The following PTPRJ variants were observed in gnomAD, a reference collection of about 807,000 sequenced individuals.
PTPRJ encodes the protein receptor-type tyrosine-protein phosphatase eta.
A neutral mutation model predicts 141.3 loss-of-function variants in PTPRJ; 129 were observed. The observed-to-expected ratio is 0.91, with a 90% CI of 0.79 to 1.06. The LOEUF (loss-of-function observed/expected upper bound fraction) is 1.06, where lower values mean the gene tolerates loss of function less well. Ranked by LOEUF, PTPRJ falls within the 50% of genes least tolerant of loss-of-function variation. The pLI is 0.00. For missense variants in PTPRJ, 1,601 were observed against 1,679.7 expected (o/e 0.95, Z 0.82); for synonymous variants, 610 against 640.5 (o/e 0.95, Z 0.72).
chr11:47,980,779 C>T lies in PTPRJ; in HGVS notation c.-134C>T, dbSNP rs1443241521. On this transcript the variant is annotated 5_prime_UTR_variant, in exon 1 of 25. Transcript: ENST00000418331. ...CCGGGGAAGCCCGGGGCGGGCGGAG[C>T]GGGGACGAGGCGGACCGGCTGGCGG... 1 of 1,028,908 alleles carries T rather than the reference C, an allele frequency of 9.7e-7. No homozygotes were observed. Among genetic ancestry groups the T allele is most frequent in the Non-Finnish European group, 1.2e-6 (1 of 860,726 alleles). 63.7% of individuals were successfully genotyped at this position (1,028,908 alleles called of 1,614,324 possible).
At chr11:48,064,555 A>G (rs578041065) in intron 1 of PTPRJ, among the ~76,000 whole-genome samples, 3 of 152,268 alleles carry the variant, frequency 2.0e-5, no homozygotes, top group Admixed American at 6.5e-5. Flanking sequence ...CCTGCTGAGC[A>G]AGGAGTGAGG....
At chr11:48,013,961 G>A (rs995475262) in intron 1 of PTPRJ, among the ~76,000 whole-genome samples, 1 of 152,174 alleles carries the variant, frequency 6.6e-6, no homozygotes, top group African/African-American at 2.4e-5. Context: ...GGTGGGTTCT[G>A]GAATGTGCAG....
chr11:48,024,088 C>CA (rs1853739030), intron 1 of PTPRJ, among the ~76,000 whole-genome samples: 2 of 152,066 alleles, frequency 1.3e-5, no homozygotes, highest in Admixed American at 1.3e-4. Flanking sequence ...TATTCACATT[C>CA]CTCCCACACT....
At chr11:48,059,325 GTTGGCC>G (rs1854853674) in intron 1 of PTPRJ, among the ~76,000 whole-genome samples, 1 of 151,984 alleles carries the variant, frequency 6.6e-6, no homozygotes, top group East Asian at 1.9e-4. Flanking sequence ...GTTTCATCAT[GTTGGCC>G]AGGCTGGTCT....
chr11:48,147,891 G>T (rs1857388574), intron 15 of PTPRJ, among the ~76,000 whole-genome samples: 1 of 151,810 alleles, frequency 6.6e-6, no homozygotes, highest in Non-Finnish European at 1.5e-5. Context: ...CTGTCCCCCA[G>T]GCTGGAGTAC....
chr11:47,985,676 AT>A, intron 1 of PTPRJ, among the ~76,000 whole-genome samples: 2 of 8,604 alleles, frequency 2.3e-4, no homozygotes, highest in Non-Finnish European at 1.8e-3. Flanking sequence ...GCAGACATTT[AT>A]TTATTTATTT....
At chr11:48,004,653 C>T (rs1175253181) in intron 1 of PTPRJ, among the ~76,000 whole-genome samples, 1 of 152,014 alleles carries the variant, frequency 6.6e-6, no homozygotes, top group East Asian at 1.9e-4. Flanking sequence ...TGTTAGCAGC[C>T]CAGGCCTGCA....
At position 48,121,070 on chromosome 11, in the gene PTPRJ, A is replaced by C; in HGVS notation, c.420A>C (p.Lys140Asn). ...ISPTNVILTW[K>N]SNDTAASEYK... ...CAACCAATGTGATCTTAACTTGGAA[A>C]AGTAATGACACAGCTGCTTCTGAGT... The change falls in exon 4 of 25, where the codon AAA becomes AAC. Residue 140 changes from lysine (K) to asparagine (N), a missense_variant. Physicochemically the swap from Lys to Asn is moderately conservative, Grantham distance 94 (BLOSUM62 0). Transcript: ENST00000418331. The C allele has an allele frequency of 6.2e-7, 1 of 1,613,888 alleles. No homozygotes were observed. Among genetic ancestry groups the C allele is most frequent in the Non-Finnish European group, 8.5e-7 (1 of 1,179,808 alleles).
intron 1 of PTPRJ, among the ~76,000 whole-genome samples, chr11:48,053,213 T>C (rs1198670426): frequency 1.1e-5 from 1 of 93,658 alleles, no homozygotes; most frequent in African/African-American, 4.6e-5. Context: ...ATATTATATA[T>C]AATATATTAA....
intron 1 of PTPRJ, among the ~76,000 whole-genome samples, chr11:48,052,813 A>G (rs971288610): frequency 3.9e-5 from 6 of 151,978 alleles, no homozygotes; most frequent in Non-Finnish European, 7.4e-5. Flanking sequence ...CTTACAGTGC[A>G]ATAAACACTT....
chr11:48,011,693 G>A (rs1854794919), intron 1 of PTPRJ, among the ~76,000 whole-genome samples: 1 of 152,050 alleles, frequency 6.6e-6, no homozygotes, highest in South Asian at 2.1e-4. Flanking sequence ...GTCTTGCTCT[G>A]TTGCCCAGGC....
At chr11:48,106,589 A>G (rs1307413864) in intron 1 of PTPRJ, among the ~76,000 whole-genome samples, 1 of 152,170 alleles carries the variant, frequency 6.6e-6, no homozygotes, top group Non-Finnish European at 1.5e-5. Flanking sequence ...CAGTCATGTC[A>G]GAGAGAGGGG....
intron 1 of PTPRJ, chr11:48,044,967 C>T (rs908034636): frequency 3.9e-5 from 6 of 152,286 alleles, no homozygotes; most frequent in African/African-American, 1.4e-4. Flanking sequence ...TTTTGTTCTT[C>T]TCTTTGCCAC....
chr11:48,079,997 G>C (rs1412081970), intron 1 of PTPRJ, among the ~76,000 whole-genome samples: 1 of 152,232 alleles, frequency 6.6e-6, no homozygotes, highest in Non-Finnish European at 1.5e-5. Flanking sequence ...CACCTGGCTT[G>C]CAGGTGCAGG....
chr11:48,090,107 G>A (rs1247091360), intron 1 of PTPRJ, among the ~76,000 whole-genome samples: 1 of 152,106 alleles, frequency 6.6e-6, no homozygotes, highest in Non-Finnish European at 1.5e-5. Context: ...CCCCAACCAA[G>A]GAAACTCTCT....
chr11:48,010,835 C>CTATTAT (rs377559025), intron 1 of PTPRJ, among the ~76,000 whole-genome samples: 11 of 151,478 alleles, frequency 7.3e-5, no homozygotes, highest in African/African-American at 2.4e-4. Flanking sequence ...CATGCCTGGC[C>CTATTAT]TATTATTATT....
chr11:48,075,226 C>T (rs1855371490), intron 1 of PTPRJ, among the ~76,000 whole-genome samples: 1 of 150,470 alleles, frequency 6.6e-6, no homozygotes, highest in South Asian at 2.1e-4. Context: ...TCACTACAAC[C>T]TCTGCCTCCT....
At chr11:48,021,840 A>G (rs1258007787) in intron 1 of PTPRJ, among the ~76,000 whole-genome samples, 1 of 152,026 alleles carries the variant, frequency 6.6e-6, no homozygotes, top group Non-Finnish European at 1.5e-5. Flanking sequence ...GAAACTCTGG[A>G]TGATATACTT....
chr11:48,159,884 G>A, intron 21 of PTPRJ, 46 bp from the exon 22 acceptor site: 2 of 1,607,904 alleles, frequency 1.2e-6, no homozygotes, highest in East Asian at 2.2e-5. Flanking sequence ...AGTGATGGCA[G>A]ATGGCATGAT....
Sources: allele counts gnomAD v4.1 joint callset (sites outside exome capture counted in the v4.1 genomes callset), GRCh38; gene constraint gnomAD v4.1.1; transcripts MANE v1.5; gene names NCBI Gene and HGNC (gene_info 2026-07-23, HGNC 2026-07-21).